The following SPATA16 variants were observed in gnomAD, a reference collection of about 807,000 sequenced individuals.
SPATA16 encodes the protein spermatogenesis-associated protein 16.
In SPATA16, 36 loss-of-function variants were observed where a neutral mutation model predicts 63.3. The observed-to-expected ratio is 0.57, with a 90% confidence interval of 0.44 to 0.75. The LOEUF (loss-of-function observed/expected upper bound fraction) is 0.75, where lower values mean the gene tolerates loss of function less well. Among genes scored for constraint, SPATA16 ranks in the 30% least tolerant of loss-of-function variants. The pLI is 0.00. For synonymous variants in SPATA16, 203 were observed against 216.7 expected, an observed-to-expected ratio of 0.94 and a Z score of 0.56; for missense variants, 646 against 679.3, an observed-to-expected ratio of 0.95 and a Z score of 0.54.
intron 1 of SPATA16, among the ~76,000 whole-genome samples, chr3:173,138,595 T>G (rs955687165): frequency 6.6e-6 from 1 of 152,206 alleles, no homozygotes; most frequent in Non-Finnish European, 1.5e-5. Context: ...AATTTATCTA[T>G]GAAAAGAAAT....
chr3:172,913,758 A>G lies in SPATA16; in HGVS notation c.1504-14T>C. ...TAGTGACTGCAGCTGTGGCACCAAG[A>G]TAAAAATTATCAGTGTGGAATTCAC... is the stretch of plus-strand genomic sequence containing the variant. On this transcript the variant is annotated splice_polypyrimidine_tract_variant and intron_variant, in intron 9 of 10. Coordinates refer to ENST00000351008, the MANE Select transcript of SPATA16 (RefSeq NM_031955.6). 6.2e-7 allele frequency: 1 copy of G among 1,610,968 alleles called. No individual in the cohort carries two copies. The highest frequency in any genetic ancestry group is 8.5e-7 in the Non-Finnish European group (1 of 1,177,486).
At chr3:172,974,645 G>A (rs771855306) in intron 5 of SPATA16, among the ~76,000 whole-genome samples, 17 of 151,990 alleles carry the variant, frequency 1.1e-4, no homozygotes, top group Non-Finnish European at 2.1e-4. Context: ...TTGATAGAGG[G>A]TGTTAATTTA....
chr3:172,906,897 A>C (rs1045385060), intron 10 of SPATA16, among the ~76,000 whole-genome samples: 1 of 152,062 alleles, frequency 6.6e-6, no homozygotes, highest in African/African-American at 2.4e-5. Context: ...GCCCGCTACC[A>C]CGCCCGGCTA....
chr3:172,940,551 A>G (rs925067558), intron 6 of SPATA16, among the ~76,000 whole-genome samples: 19 of 152,248 alleles, frequency 1.2e-4, no homozygotes, highest in Admixed American at 1.1e-3. Context: ...TCACAAGAAT[A>G]AAACTAGGTT....
intron 4 of SPATA16, among the ~76,000 whole-genome samples, chr3:173,015,887 T>TGC (rs1735175497): frequency 6.6e-6 from 1 of 151,284 alleles, no homozygotes; most frequent in Admixed American, 6.6e-5. Context: ...TGTGTGTGTG[T>TGC]GTGTGTAAGT....
At chr3:173,080,116 T>A (rs1028519475) in intron 2 of SPATA16, among the ~76,000 whole-genome samples, 2 of 152,178 alleles carry the variant, frequency 1.3e-5, no homozygotes, top group Non-Finnish European at 2.9e-5. Flanking sequence ...CAGTGTGTGG[T>A]GTTTAGTGAG....
At chr3:172,911,935 C>A (rs543085070) in intron 10 of SPATA16, among the ~76,000 whole-genome samples, 30 of 152,310 alleles carry the variant, frequency 2.0e-4, no homozygotes, top group African/African-American at 6.0e-4. Context: ...GCCCCTCAAT[C>A]TCTTCTCCCC....
chr3:173,023,143 G>T (rs537892), intron 3 of SPATA16, among the ~76,000 whole-genome samples: 3,379 of 107,716 alleles, frequency 0.031, 125 homozygotes, highest in African/African-American at 0.14. Flanking sequence ...GTGTATGTGT[G>T]TGTGTGTGTG....
At chr3:173,001,278 T>TTG (rs1201983441) in intron 4 of SPATA16, among the ~76,000 whole-genome samples, 4 of 151,680 alleles carry the variant, frequency 2.6e-5, no homozygotes, top group Admixed American at 6.6e-5. Flanking sequence ...GTTTTTTTTT[T>TTG]TTTGTTTTCA....
chr3:172,974,666 CT>C (rs746890986), intron 5 of SPATA16, among the ~76,000 whole-genome samples: 94 of 152,054 alleles, frequency 6.2e-4, no homozygotes, highest in Non-Finnish European at 1.9e-4. Flanking sequence ...TAGAATTTAT[CT>C]GCAGGAAGTG....
intron 6 of SPATA16, among the ~76,000 whole-genome samples, chr3:172,943,112 A>G (rs1489039759): frequency 6.6e-6 from 1 of 152,204 alleles, no homozygotes; most frequent in African/African-American, 2.4e-5. Context: ...AGTGAAGAAA[A>G]TTAAGCAATC....
intron 10 of SPATA16, among the ~76,000 whole-genome samples, chr3:172,913,228 G>A (rs1381200971): frequency 6.6e-6 from 1 of 152,240 alleles, no homozygotes; most frequent in African/African-American, 2.4e-5. Context: ...CAATTAGTAT[G>A]TTAGTTCTTT....
intron 2 of SPATA16, among the ~76,000 whole-genome samples, chr3:173,088,421 A>C (rs556329805): frequency 6.6e-6 from 1 of 151,994 alleles, no homozygotes; most frequent in African/African-American, 2.4e-5. Flanking sequence ...TACTTATTTT[A>C]ATTTGTTTTT....
intron 5 of SPATA16, among the ~76,000 whole-genome samples, chr3:172,961,295 A>C (rs1733779596): frequency 6.6e-6 from 1 of 152,148 alleles, no homozygotes; most frequent in African/African-American, 2.4e-5. Context: ...GGTTGACTAT[A>C]ATCATAGTAA....
At chr3:173,078,134 T>G (rs1482909997) in intron 2 of SPATA16, among the ~76,000 whole-genome samples, 3 of 152,184 alleles carry the variant, frequency 2.0e-5, no homozygotes, top group Non-Finnish European at 4.4e-5. Flanking sequence ...TATTTTCATT[T>G]TATAGATAAA....
At chr3:173,110,956 C>T (rs560386081) in intron 2 of SPATA16, among the ~76,000 whole-genome samples, 4 of 152,254 alleles carry the variant, frequency 2.6e-5, no homozygotes, top group African/African-American at 9.6e-5. Context: ...TCTGGTGTCC[C>T]GCTTCAAACA....
chr3:172,964,218 A>G (rs1733855037), intron 5 of SPATA16, among the ~76,000 whole-genome samples: 1 of 152,246 alleles, frequency 6.6e-6, no homozygotes, highest in African/African-American at 2.4e-5. Context: ...AGAAACATTT[A>G]CAAAAATTAG....
chr3:172,903,946 C>T (rs1273618153), intron 10 of SPATA16, among the ~76,000 whole-genome samples: 3 of 152,184 alleles, frequency 2.0e-5, no homozygotes, highest in Admixed American at 1.3e-4. Flanking sequence ...GGTCAGGCAA[C>T]GTTCTTTGTG....
intron 4 of SPATA16, among the ~76,000 whole-genome samples, chr3:173,012,824 C>T (rs181876789): frequency 6.6e-6 from 1 of 152,170 alleles, no homozygotes; most frequent in Admixed American, 6.5e-5. Flanking sequence ...CTATAAAAAT[C>T]TTGGAAGAAA....
Sources: allele counts gnomAD v4.1 joint callset (sites outside exome capture counted in the v4.1 genomes callset), GRCh38; gene constraint gnomAD v4.1.1; transcripts MANE v1.5; gene names NCBI Gene and HGNC (gene_info 2026-07-23, HGNC 2026-07-21).